The following YWHAQ variants were observed in gnomAD, a reference collection of about 807,000 sequenced individuals.
The protein encoded by YWHAQ is 14-3-3 protein theta.
Under a neutral mutation model 28.3 loss-of-function variants are expected in YWHAQ, and 6 were observed. The ratio of observed to expected loss-of-function variants is 0.21; its 90% CI spans 0.12 to 0.42. The LOEUF (loss-of-function observed/expected upper bound fraction) is 0.42, where lower values mean the gene tolerates loss of function less well. Ranked by LOEUF, YWHAQ falls within the 10% of genes least tolerant of loss-of-function variation. The probability of loss-of-function intolerance (pLI) is 1.00; values close to 1 mark genes in which losing one functional copy is unlikely to be tolerated. For missense variants in YWHAQ, 201 were observed against 305.6 expected, an observed-to-expected ratio of 0.66 and a Z score of 2.55; for synonymous variants, 143 against 119.1, an observed-to-expected ratio of 1.20 and a Z score of -1.31.
chr2:9,617,012 G>A (rs980006264), intron 2 of YWHAQ, among the ~76,000 whole-genome samples: 1 of 152,174 alleles, frequency 6.6e-6, no homozygotes, highest in Non-Finnish European at 1.5e-5. Context: ...CCAGGCTGGA[G>A]TGCAGTGGAG....
chr2:9,591,280 C>G, intron 3 of YWHAQ, 112 bp downstream of exon 3: 1 of 1,279,664 alleles, frequency 7.8e-7, no homozygotes, highest in Non-Finnish European at 1.0e-6. Flanking sequence ...GACATACATT[C>G]AATTATTAAG....
chr2:9,612,036 A>T (rs1035190538), intron 2 of YWHAQ, among the ~76,000 whole-genome samples: 4 of 152,188 alleles, frequency 2.6e-5, no homozygotes, highest in Non-Finnish European at 2.9e-5. Flanking sequence ...CCAGCCACCT[A>T]CGTTCATCCA....
intron 2 of YWHAQ, among the ~76,000 whole-genome samples, chr2:9,608,939 TCAAACAAA>T (rs35056773): frequency 4.7e-4 from 71 of 151,666 alleles, no homozygotes; most frequent in East Asian, 3.7e-3. Context: ...AGACTCCAAA[TCAAACAAA>T]CAAACAAACA....
chr2:9,614,877 G>A (rs894665518), intron 2 of YWHAQ, among the ~76,000 whole-genome samples: 1 of 152,006 alleles, frequency 6.6e-6, no homozygotes, highest in African/African-American at 2.4e-5. Flanking sequence ...TCTGTTATGG[G>A]GTACAAAGGG....
intron 2 of YWHAQ, among the ~76,000 whole-genome samples, chr2:9,609,039 C>T (rs1488027077): frequency 1.3e-5 from 2 of 152,146 alleles, no homozygotes; most frequent in Non-Finnish European, 2.9e-5. Flanking sequence ...ATAGTCAGTT[C>T]CCAAGAGCTT....
At chr2:9,612,931 C>T (rs765842612) in intron 2 of YWHAQ, among the ~76,000 whole-genome samples, 3 of 152,178 alleles carry the variant, frequency 2.0e-5, no homozygotes, top group Non-Finnish European at 4.4e-5. Flanking sequence ...TTGGGTCCTC[C>T]TGTACATTTA....
chr2:9,592,712 G>A (rs748198482), intron 2 of YWHAQ, among the ~76,000 whole-genome samples: 4 of 151,866 alleles, frequency 2.6e-5, no homozygotes, highest in Non-Finnish European at 5.9e-5. Context: ...GTGACAGTGT[G>A]GACTCCATCT....
intron 2 of YWHAQ, among the ~76,000 whole-genome samples, chr2:9,617,662 G>A (rs1390382040): frequency 6.6e-6 from 1 of 152,150 alleles, no homozygotes. Context: ...AAAAAGGTTA[G>A]GTGTGGTGGC....
At chr2:9,610,783 C>T (rs1666931334) in intron 2 of YWHAQ, among the ~76,000 whole-genome samples, 1 of 152,198 alleles carries the variant, frequency 6.6e-6, no homozygotes, top group Admixed American at 6.5e-5. Flanking sequence ...GCTGGGGTTA[C>T]AGGCATGAGC....
At chr2:9,623,247 C>T (rs1365991703) in intron 2 of YWHAQ, among the ~76,000 whole-genome samples, 2 of 152,202 alleles carry the variant, frequency 1.3e-5, no homozygotes, top group East Asian at 3.8e-4. Context: ...GCCTTAAAAA[C>T]TTGCTTGTGC....
intron 2 of YWHAQ, among the ~76,000 whole-genome samples, chr2:9,591,993 T>A (rs1267219366): frequency 6.6e-6 from 1 of 152,152 alleles, no homozygotes; most frequent in Non-Finnish European, 1.5e-5. Flanking sequence ...TGGCCTCCAG[T>A]TAAGACAGGC....
At chr2:9,593,905 A>AAATAT (rs1205661739) in intron 2 of YWHAQ, among the ~76,000 whole-genome samples, 14 of 127,632 alleles carry the variant, frequency 1.1e-4, no homozygotes, top group Admixed American at 7.8e-5. Flanking sequence ...GATTAAAAAA[A>AAATAT]ATATATATAT....
At chr2:9,601,609 A>T (rs1666694526) in intron 2 of YWHAQ, among the ~76,000 whole-genome samples, 1 of 152,206 alleles carries the variant, frequency 6.6e-6, no homozygotes, top group African/African-American at 2.4e-5. Flanking sequence ...TGAGAACCAC[A>T]CACGTGATGC....
chr2:9,591,286 T>G, intron 3 of YWHAQ, 106 bp downstream of exon 3: 1 of 1,321,474 alleles, frequency 7.6e-7, no homozygotes, highest in Non-Finnish European at 1.0e-6. Flanking sequence ...CATTCAATTA[T>G]TAAGTCACAA....
chr2:9,602,845 AAAAAAAAAAAAAAAAAAATAT>A (rs1419535124), intron 2 of YWHAQ, among the ~76,000 whole-genome samples: 8 of 31,068 alleles, frequency 2.6e-4, no homozygotes, highest in East Asian at 8.0e-4. Flanking sequence ...AAAAAAAAAA[AAAAAAAAAAAAAAAAAAATAT>A]ATATATATAT....
intron 3 of YWHAQ, 41 bp downstream of exon 3, chr2:9,591,351 T>C: frequency 6.3e-7 from 1 of 1,587,828 alleles, no homozygotes; most frequent in Non-Finnish European, 8.6e-7. Flanking sequence ...CCATTTCTTT[T>C]TTTTATATTC....
chr2:9,615,676 G>A (rs2125071300), intron 2 of YWHAQ, among the ~76,000 whole-genome samples: 1 of 152,244 alleles, frequency 6.6e-6, no homozygotes, highest in South Asian at 2.1e-4. Flanking sequence ...GGAGCACACT[G>A]GTTGAAGGGC....
chr2:9,607,950 C>T (rs1457164766), intron 2 of YWHAQ, among the ~76,000 whole-genome samples: 1 of 151,886 alleles, frequency 6.6e-6, no homozygotes, highest in African/African-American at 2.4e-5. Context: ...TGACGTAATC[C>T]GCCCACCTCA....
chr2:9,600,111 G>A (rs1386082786), intron 2 of YWHAQ, among the ~76,000 whole-genome samples: 3 of 152,190 alleles, frequency 2.0e-5, no homozygotes, highest in African/African-American at 4.8e-5. Flanking sequence ...GTAGAAACAG[G>A]AAGAGAAATA....
Sources: allele counts gnomAD v4.1 joint callset (sites outside exome capture counted in the v4.1 genomes callset), GRCh38; gene constraint gnomAD v4.1.1; transcripts MANE v1.5; gene names NCBI Gene and HGNC (gene_info 2026-07-23, HGNC 2026-07-21).